ZFHX3: variants seen among roughly 807,000 people sequenced by gnomAD.
ZFHX3 encodes zinc finger homeobox protein 3.
A neutral mutation model predicts 279.1 loss-of-function variants in ZFHX3; 42 were observed. The ratio of observed to expected loss-of-function variants is 0.15; its 90% CI spans 0.12 to 0.19. ZFHX3 has a LOEUF of 0.19. Among genes scored for constraint, ZFHX3 ranks in the 10% least tolerant of loss-of-function variants. The pLI is 1.00. For synonymous variants in ZFHX3, 2,293 were observed against 1,957.8 expected, an observed-to-expected ratio of 1.17 and a Z score of -4.52; for missense variants, 4,981 against 4,754.0, an observed-to-expected ratio of 1.05 and a Z score of -1.40.
At chr16:73,275,837 T>A (rs1034934871) in intron 4 of ZFHX3, among the ~76,000 whole-genome samples, 2 of 152,194 alleles carry the variant, frequency 1.3e-5, no homozygotes, top group Admixed American at 6.5e-5. Flanking sequence ...TGCATATCTG[T>A]GAAGTGCAGT....
intron 5 of ZFHX3, among the ~76,000 whole-genome samples, chr16:73,164,205 C>T (rs1355128651): frequency 6.6e-6 from 1 of 152,086 alleles, no homozygotes; most frequent in East Asian, 1.9e-4. Context: ...TCTCTCTGTC[C>T]TTCAATAATG....
intron 2 of ZFHX3, among the ~76,000 whole-genome samples, chr16:73,587,866 C>A (rs973528895): frequency 2.0e-5 from 3 of 152,164 alleles, no homozygotes; most frequent in Non-Finnish European, 1.5e-5. Context: ...GCAGAATTTT[C>A]ATTTTGACCT....
chr16:73,407,949 AAC>A (rs2017394003), intron 3 of ZFHX3, among the ~76,000 whole-genome samples: 1 of 152,072 alleles, frequency 6.6e-6, no homozygotes, highest in East Asian at 1.9e-4. Flanking sequence ...GGGGAAAGCA[AAC>A]AGCAGTTGGG....
At chr16:73,752,766 A>T (rs906896936) in intron 1 of ZFHX3, among the ~76,000 whole-genome samples, 3 of 152,148 alleles carry the variant, frequency 2.0e-5, no homozygotes, top group Non-Finnish European at 4.4e-5. Context: ...GACAAGGGGA[A>T]ATGAATACCA....
At chr16:73,242,893 A>G (rs1484563522) in intron 5 of ZFHX3, among the ~76,000 whole-genome samples, 1 of 152,232 alleles carries the variant, frequency 6.6e-6, no homozygotes, top group Non-Finnish European at 1.5e-5. Context: ...AAGCCATTGC[A>G]GCAACTGGGC....
intron 2 of ZFHX3, among the ~76,000 whole-genome samples, chr16:73,500,691 C>CAAAAAAAAAAAAAAAAAAATAAAAAAAA (rs35032435): frequency 1.0e-5 from 1 of 96,912 alleles, no homozygotes; most frequent in African/African-American, 3.7e-5. Flanking sequence ...TTTTAAAATA[C>CAAAAAAAAAAAAAAAAAAATAAAAAAAA]AAAAAAAAAA....
intron 3 of ZFHX3, among the ~76,000 whole-genome samples, chr16:72,945,886 G>A (rs1960646378): frequency 6.6e-6 from 1 of 151,994 alleles, no homozygotes; most frequent in Non-Finnish European, 1.5e-5. Flanking sequence ...GACGTAAAAT[G>A]TGTAGCTATC....
intron 7 of ZFHX3, among the ~76,000 whole-genome samples, chr16:73,105,390 CACACAT>C (rs1418021919): frequency 2.3e-5 from 3 of 129,578 alleles, no homozygotes; most frequent in East Asian, 2.0e-4. Flanking sequence ...TATACACACA[CACACAT>C]ATATATATAT....
At chr16:73,018,999 C>T (rs549530626) in intron 1 of ZFHX3, among the ~76,000 whole-genome samples, 1 of 152,240 alleles carries the variant, frequency 6.6e-6, no homozygotes, top group African/African-American at 2.4e-5. Context: ...CTGTATCACA[C>T]ACTCATTGTC....
At position 72,795,803 on chromosome 16, in the gene ZFHX3, G is replaced by A. The variant is rs1296922071; in HGVS notation, c.6879C>T (p.Ala2293=). ...CATAATTCTTCCTGGCCTTCTGTCGGGCATTCTGAAACCACACCACTATCA... is the reference window on the plus strand; with the variant it reads ...CATAATTCTTCCTGGCCTTCTGTCGAGCATTCTGAAACCACACCACTATCA... ...TRVIVVWFQN[A]RQKARKNYEN... The change falls in exon 9 of 10, where the codon GCC becomes GCT. Residue 2293 remains alanine, a synonymous_variant. Transcript: ENST00000268489. The A allele has an allele frequency of 1.2e-6, 2 of 1,614,138 alleles. No homozygotes were observed. Among genetic ancestry groups the A allele is most frequent in the Non-Finnish European group, 1.7e-6 (2 of 1,180,024 alleles).
At chr16:73,552,492 T>C (rs1056618089) in intron 2 of ZFHX3, among the ~76,000 whole-genome samples, 2 of 152,186 alleles carry the variant, frequency 1.3e-5, no homozygotes, top group African/African-American at 4.8e-5. Flanking sequence ...ATAGAATCCA[T>C]GAAATTAATA....
intron 3 of ZFHX3, among the ~76,000 whole-genome samples, chr16:73,421,876 A>T (rs1459026436): frequency 6.6e-6 from 1 of 152,120 alleles, no homozygotes; most frequent in Admixed American, 6.6e-5. Context: ...ATAATGAGGG[A>T]ATAAAGCCCT....
chr16:73,075,638 CTT>C (rs1237376208), intron 8 of ZFHX3, among the ~76,000 whole-genome samples: 2 of 144,300 alleles, frequency 1.4e-5, no homozygotes, highest in African/African-American at 2.5e-5. Context: ...GAATCAAAGA[CTT>C]TTTTTTTTTT....
chr16:73,483,120 T>G (rs1328994566), intron 2 of ZFHX3, among the ~76,000 whole-genome samples: 7 of 152,092 alleles, frequency 4.6e-5, no homozygotes, highest in Admixed American at 6.5e-5. Context: ...CCTCTGAATG[T>G]GGATCAGCTT....
chr16:72,935,244 C>T (rs1441266799), intron 3 of ZFHX3, among the ~76,000 whole-genome samples: 1 of 152,272 alleles, frequency 6.6e-6, no homozygotes, highest in Non-Finnish European at 1.5e-5. Flanking sequence ...CAGGTCAGAG[C>T]TTCTCTCACT....
At chr16:73,211,186 G>A (rs957554534) in intron 5 of ZFHX3, among the ~76,000 whole-genome samples, 13 of 152,072 alleles carry the variant, frequency 8.5e-5, no homozygotes, top group Admixed American at 3.3e-4. Flanking sequence ...TTGCCTTAAA[G>A]CCCCCCAACT....
intron 3 of ZFHX3, among the ~76,000 whole-genome samples, chr16:72,901,697 G>T (rs1484835369): frequency 6.6e-6 from 1 of 152,170 alleles, no homozygotes; most frequent in Non-Finnish European, 1.5e-5. Flanking sequence ...GGAAGCAAGG[G>T]ACCAACAGTG....
At chr16:73,716,384 G>A (rs2053414441) in intron 1 of ZFHX3, among the ~76,000 whole-genome samples, 1 of 152,116 alleles carries the variant, frequency 6.6e-6, no homozygotes, top group Admixed American at 6.5e-5. Flanking sequence ...GCCAGGATAA[G>A]GGAGTTTCTA....
intron 1 of ZFHX3, among the ~76,000 whole-genome samples, chr16:72,968,318 A>G (rs932939993): frequency 6.6e-6 from 1 of 152,204 alleles, no homozygotes; most frequent in Non-Finnish European, 1.5e-5. Context: ...TTCAGATTAA[A>G]AGAGACTAAG....
Sources: gnomAD v4.1 joint callset for allele counts (sites outside exome capture counted in the v4.1 genomes callset) on GRCh38, gnomAD v4.1.1 for gene constraint, MANE v1.5 for transcripts, NCBI Gene and HGNC (gene_info 2026-07-23, HGNC 2026-07-21) for gene names.